The following PCDHA2 variants were observed in gnomAD, a reference collection of about 807,000 sequenced individuals.
The protein encoded by PCDHA2 is protocadherin alpha 2.
Under a neutral mutation model 66.0 loss-of-function variants are expected in PCDHA2, and 58 were observed. The observed-to-expected ratio is 0.88, with a 90% confidence interval of 0.71 to 1.09. PCDHA2 has a LOEUF of 1.09. Ranked by LOEUF, PCDHA2 falls within the 50% of genes least tolerant of loss-of-function variation. The probability of loss-of-function intolerance (pLI) is 0.00; values close to 1 mark genes in which losing one functional copy is unlikely to be tolerated. For synonymous variants in PCDHA2, 634 were observed against 554.0 expected, an observed-to-expected ratio of 1.14 and a Z score of -2.03; for missense variants, 1,267 against 1,242.3, an observed-to-expected ratio of 1.02 and a Z score of -0.30.
At chr5:140,810,533 T>C (rs1306597140) in intron 1 of PCDHA2, 1 of 152,270 alleles carries the variant, frequency 6.6e-6, no homozygotes, top group East Asian at 1.9e-4. Flanking sequence ...TGGGTGACTT[T>C]TGTAATCTCA....
chr5:140,923,220 G>A (rs1264496576), intron 1 of PCDHA2, among the ~76,000 whole-genome samples: 5 of 71,932 alleles, frequency 7.0e-5, no homozygotes, highest in African/African-American at 2.1e-4. Flanking sequence ...TGAAAGGATC[G>A]TTTGAGCCCA....
intron 1 of PCDHA2, chr5:140,834,626 T>G: frequency 6.2e-7 from 1 of 1,614,168 alleles, no homozygotes; most frequent in East Asian, 2.2e-5. Context: ...ATCTGCAGAA[T>G]GGCATTTTGT....
chr5:140,935,157 A>G (rs982054485), intron 1 of PCDHA2, among the ~76,000 whole-genome samples: 1 of 152,214 alleles, frequency 6.6e-6, no homozygotes, highest in Non-Finnish European at 1.5e-5. Context: ...TATAATCTCA[A>G]CAACAGGTGT....
chr5:140,795,487 A>C lies in PCDHA2; in HGVS notation c.523A>C (p.Ser175Arg). 6.2e-7 allele frequency: 1 copy of C among 1,614,170 alleles called. No individual in the cohort carries two copies. The highest frequency in any genetic ancestry group is 8.5e-7 in the Non-Finnish European group (1 of 1,180,034). Reference protein sequence around the residue: ...NALLSYKLSSSEFFFLDIQAN... With the variant: ...NALLSYKLSSREFFFLDIQAN... ...TCTTCTCTCCTACAAGCTCAGCTCC[A>C]GTGAGTTTTTCTTCCTAGATATACA... Residue 175 changes from serine to arginine, a missense_variant, in exon 1 of 4, where the codon AGT becomes CGT. Ser to Arg is a moderately radical substitution (Grantham distance 110). Transcript: ENST00000526136.
At chr5:140,899,252 C>T (rs1219703479) in intron 1 of PCDHA2, among the ~76,000 whole-genome samples, 1 of 152,142 alleles carries the variant, frequency 6.6e-6, no homozygotes, top group Non-Finnish European at 1.5e-5. Context: ...TGAGAGAGGG[C>T]ATCCCTGTCT....
intron 1 of PCDHA2, chr5:140,966,941 G>C (rs1554228938): frequency 1.9e-6 from 3 of 1,604,498 alleles, no homozygotes; most frequent in Non-Finnish European, 2.5e-6. Context: ...CGCGCTCGTG[G>C]GCAACGTGGC....
intron 1 of PCDHA2, among the ~76,000 whole-genome samples, chr5:140,921,264 T>C (rs2080129104): frequency 6.6e-6 from 1 of 152,210 alleles, no homozygotes; most frequent in Non-Finnish European, 1.5e-5. Flanking sequence ...CCTAGACTTT[T>C]ATACTTACTT....
chr5:140,820,438 A>G (rs2150106905), intron 1 of PCDHA2, among the ~76,000 whole-genome samples: 1 of 151,986 alleles, frequency 6.6e-6, no homozygotes, highest in African/African-American at 2.4e-5. Context: ...AGAATTGCTA[A>G]TCTCTTGGTC....
chr5:140,914,816 A>T (rs2076855290), intron 1 of PCDHA2, among the ~76,000 whole-genome samples: 1 of 152,208 alleles, frequency 6.6e-6, no homozygotes, highest in African/African-American at 2.4e-5. Context: ...AACTTAACAG[A>T]CTGCATAAAC....
At chr5:140,928,007 A>G in intron 1 of PCDHA2, 3 of 1,614,116 alleles carry the variant, frequency 1.9e-6, no homozygotes, top group Non-Finnish European at 2.5e-6. Context: ...CTCGATTCTA[A>G]TGGTAGGGTC....
At position 140,858,057 on chromosome 5, in the gene PCDHA2, A is replaced by G. The variant is rs781982906; in HGVS notation, c.2388+60705A>G. On this transcript the variant is annotated intron_variant, in intron 1 of 3. Coordinates refer to ENST00000526136, the MANE Select transcript of PCDHA2 (RefSeq NM_018905.3). ...GCCACTGTGCTTGTGTCGCTTGTGG[A>G]GGGCAGCCAGGCACCCAAGGCCTCG... 1.9e-6 allele frequency: 3 copies of G among 1,597,162 alleles called. No homozygotes were observed. In the South Asian group the frequency reaches 3.3e-5, roughly 18 times the overall value.
At chr5:140,977,373 A>G (rs1167438428) in intron 1 of PCDHA2, among the ~76,000 whole-genome samples, 1 of 152,168 alleles carries the variant, frequency 6.6e-6, no homozygotes, top group Non-Finnish European at 1.5e-5. Flanking sequence ...TATTTTAGTC[A>G]TATTTCCAGG....
intron 1 of PCDHA2, chr5:140,841,774 GTT>G (rs2150322506): frequency 6.2e-7 from 1 of 1,613,914 alleles, no homozygotes; most frequent in South Asian, 1.1e-5. Flanking sequence ...CAGACTCTCG[GTT>G]TCCGCTAGAG....
At chr5:140,830,346 A>T in intron 1 of PCDHA2, 2 of 1,614,054 alleles carry the variant, frequency 1.2e-6, no homozygotes, top group Non-Finnish European at 1.7e-6. Flanking sequence ...TCGTACTCGC[A>T]GCAGAGGCGG....
chr5:140,891,330 T>C (rs995602420), intron 1 of PCDHA2, among the ~76,000 whole-genome samples: 1 of 152,108 alleles, frequency 6.6e-6, no homozygotes, highest in Non-Finnish European at 1.5e-5. Flanking sequence ...TGGTGGTGAT[T>C]TGTGAGATTT....
intron 1 of PCDHA2, chr5:140,883,607 G>A (rs782736793): frequency 6.2e-7 from 1 of 1,613,968 alleles, no homozygotes; most frequent in Non-Finnish European, 8.5e-7. Context: ...GGGGGTGGCC[G>A]ACGTGAACGA....
chr5:140,823,375 G>T, intron 1 of PCDHA2: 1 of 1,612,808 alleles, frequency 6.2e-7, no homozygotes, highest in Non-Finnish European at 8.5e-7. Context: ...GCAGTTCCAG[G>T]TGAGCGCGCG....
rs534304787 is a variant in PCDHA2, at chr5:140,885,393, TA to T, written c.2388+88043del. Among the ~76,000 whole-genome samples the T allele has an allele frequency of 3.1e-3, 468 of 152,312 alleles. 3 individuals carry two copies. Among genetic ancestry groups the T allele is most frequent in the Middle Eastern group, 0.014 (4 of 294 alleles). The stretch of plus-strand genomic sequence containing the variant: ...TACCTTTTGGCAGTCCCTGCAAATC[TA>T]ATGGTTTTAATAGCTGTGTAGTATT... On this transcript the variant is annotated intron_variant, in intron 1 of 3. Transcript: ENST00000526136.
intron 1 of PCDHA2, chr5:140,842,284 C>A: frequency 1.2e-6 from 2 of 1,610,320 alleles, no homozygotes; most frequent in South Asian, 1.1e-5. Context: ...TCCTCATTGA[C>A]GCCACGGACA....
Sources: allele counts gnomAD v4.1 joint callset (sites outside exome capture counted in the v4.1 genomes callset), GRCh38; gene constraint gnomAD v4.1.1; transcripts MANE v1.5; gene names NCBI Gene and HGNC (gene_info 2026-07-23, HGNC 2026-07-21).